The following MARCHF3 variants were observed in gnomAD, a reference collection of about 807,000 sequenced individuals.
The protein encoded by MARCHF3 is membrane associated ring-CH-type finger 3, also known as E3 ubiquitin-protein ligase MARCHF3.
MARCHF3 carries 13 observed loss-of-function variants against 24.2 expected under a neutral mutation model. The observed-to-expected ratio is 0.54, with a 90% CI of 0.35 to 0.85. The LOEUF (loss-of-function observed/expected upper bound fraction) is 0.85. Among genes scored for constraint, MARCHF3 ranks in the 40% least tolerant of loss-of-function variants. The probability of loss-of-function intolerance (pLI) is 0.01; values close to 1 mark genes in which losing one functional copy is unlikely to be tolerated. For synonymous variants in MARCHF3, 144 were observed against 137.3 expected, an observed-to-expected ratio of 1.05 and a Z score of -0.34; for missense variants, 276 against 325.0, an observed-to-expected ratio of 0.85 and a Z score of 1.16.
chr5:126,940,033 T>C (rs189697177), intron 1 of MARCHF3, among the ~76,000 whole-genome samples: 1 of 151,988 alleles, frequency 6.6e-6, no homozygotes, highest in Admixed American at 6.6e-5. Context: ...ACCAACAAAA[T>C]GCAAAAAAAT....
chr5:126,917,668 T>C (rs1748928903), intron 2 of MARCHF3, among the ~76,000 whole-genome samples: 1 of 152,180 alleles, frequency 6.6e-6, no homozygotes, highest in Admixed American at 6.5e-5. Flanking sequence ...GGACCACCTT[T>C]GTTACCTACT....
At chr5:126,935,071 T>C (rs1749599024) in intron 1 of MARCHF3, among the ~76,000 whole-genome samples, 1 of 152,152 alleles carries the variant, frequency 6.6e-6, no homozygotes, top group Non-Finnish European at 1.5e-5. Context: ...CATGTAGCTG[T>C]TGGTTGGGAT....
intron 1 of MARCHF3, among the ~76,000 whole-genome samples, chr5:127,009,086 T>A (rs181630984): frequency 6.6e-6 from 1 of 152,170 alleles, no homozygotes; most frequent in East Asian, 1.9e-4. Flanking sequence ...CAAAAGATGA[T>A]CTCCAGAATC....
intron 1 of MARCHF3, among the ~76,000 whole-genome samples, chr5:126,919,557 A>C (rs910502698): frequency 3.9e-5 from 6 of 152,230 alleles, no homozygotes; most frequent in African/African-American, 1.2e-4. Flanking sequence ...TCTACTTCTT[A>C]CATTTTCCTT....
chr5:126,918,303 A>T (rs1748978452), intron 1 of MARCHF3, 76 bp from the exon 2 acceptor site: 1 of 854,664 alleles, frequency 1.2e-6, no homozygotes, highest in African/African-American at 1.7e-5. Flanking sequence ...CACCAACATC[A>T]TCATCATGTC....
chr5:126,870,908 C>T, intron 4 of MARCHF3, 117 bp from the exon 5 acceptor site: 2 of 1,387,182 alleles, frequency 1.4e-6, no homozygotes, highest in South Asian at 1.4e-5. Context: ...AGCACTATGG[C>T]AGGGCAAGAA....
chr5:127,007,716 T>C (rs1299182908), intron 1 of MARCHF3, among the ~76,000 whole-genome samples: 1 of 152,196 alleles, frequency 6.6e-6, no homozygotes, highest in Non-Finnish European at 1.5e-5. Context: ...TATTGTTCAT[T>C]TGTGCTAGCT....
chr5:126,894,628 TG>T (rs1474521882), intron 3 of MARCHF3, among the ~76,000 whole-genome samples: 1 of 152,046 alleles, frequency 6.6e-6, no homozygotes, highest in Non-Finnish European at 1.5e-5. Flanking sequence ...CACTCTCTTC[TG>T]GCTTGTAGGG....
intron 3 of MARCHF3, among the ~76,000 whole-genome samples, chr5:126,878,931 G>A (rs1314445768): frequency 6.6e-6 from 1 of 152,176 alleles, no homozygotes; most frequent in African/African-American, 2.4e-5. Context: ...GAGGCCTTGG[G>A]CCCACAATAC....
intron 1 of MARCHF3, among the ~76,000 whole-genome samples, chr5:126,946,761 G>GGTGT (rs58269583): frequency 0.017 from 2,314 of 136,026 alleles, 71 homozygotes; most frequent in African/African-American, 0.049. Context: ...TGTAAGTAGG[G>GGTGT]GTGTGTGTGT....
chr5:126,884,610 AC>A (rs1753448259), intron 3 of MARCHF3, among the ~76,000 whole-genome samples: 1 of 151,658 alleles, frequency 6.6e-6, no homozygotes, highest in African/African-American at 2.4e-5. Flanking sequence ...ATGACCATCC[AC>A]CCCTGTCACT....
intron 1 of MARCHF3, among the ~76,000 whole-genome samples, chr5:126,928,052 C>T (rs1749353704): frequency 6.6e-6 from 1 of 152,118 alleles, no homozygotes; most frequent in Admixed American, 6.5e-5. Context: ...ATTTTCATAG[C>T]ACTATTCATT....
chr5:126,997,588 T>G (rs1751990752), intron 1 of MARCHF3, among the ~76,000 whole-genome samples: 1 of 152,216 alleles, frequency 6.6e-6, no homozygotes, highest in African/African-American at 2.4e-5. Context: ...TCGAAAGGAC[T>G]GGGTCCTCAG....
At chr5:126,920,471 T>C (rs1047902119) in intron 1 of MARCHF3, among the ~76,000 whole-genome samples, 1 of 152,160 alleles carries the variant, frequency 6.6e-6, no homozygotes, top group African/African-American at 2.4e-5. Context: ...CAGGGGTGTA[T>C]TGGCAGGAAA....
intron 1 of MARCHF3, among the ~76,000 whole-genome samples, chr5:126,956,176 T>C (rs1372335013): frequency 6.6e-6 from 1 of 152,228 alleles, no homozygotes; most frequent in East Asian, 1.9e-4. Context: ...TTTAAACAGT[T>C]TTCTTCTAGT....
rs183848600 is a variant in MARCHF3 at position 127,022,839 on chromosome 5, G to A, written c.-57+7511C>T. On this transcript the variant is annotated intron_variant, in intron 1 of 4. Transcript: ENST00000308660. The stretch of plus-strand genomic sequence containing the variant: ...CATTCAATTCTCTATTTTCTTCTTG[G>A]CAGGCAGATATGAGAAGAAAGCACC... Among the ~76,000 whole-genome samples, 11 of 152,220 alleles carry A rather than the reference G, an allele frequency of 7.2e-5. No individual in the cohort carries two copies. The East Asian group carries it at 2.1e-3, about 29-fold the overall frequency.
chr5:126,875,400 T>C (rs1023429834), intron 4 of MARCHF3, among the ~76,000 whole-genome samples: 9 of 152,224 alleles, frequency 5.9e-5, no homozygotes, highest in African/African-American at 1.7e-4. Context: ...TTCTTCACAG[T>C]ACCAGGGAGG....
rs140236215 is a variant in MARCHF3 at position 127,003,548 on chromosome 5, G to A, written c.-57+26802C>T. Among the ~76,000 whole-genome samples the A allele has an allele frequency of 2.9e-3, 441 of 151,938 alleles. 3 individuals are homozygous for A. The highest frequency in any genetic ancestry group is 6.0e-3 in the South Asian group (29 of 4,800). ...GGGCGGATCACGAGGTCAGGAGATGGAGACCATCCTGTCTAACACGGTGAA... is the reference window on the plus strand; with the variant it reads ...GGGCGGATCACGAGGTCAGGAGATGAAGACCATCCTGTCTAACACGGTGAA... On this transcript the variant is annotated intron_variant, in intron 1 of 4. Transcript: ENST00000308660.
At chr5:126,922,546 T>G (rs936255478) in intron 1 of MARCHF3, among the ~76,000 whole-genome samples, 3 of 146,412 alleles carry the variant, frequency 2.0e-5, no homozygotes, top group African/African-American at 7.7e-5. Context: ...ATTTATTTAT[T>G]TATTTATTAT....
Sources: allele counts gnomAD v4.1 joint callset (sites outside exome capture counted in the v4.1 genomes callset), GRCh38; gene constraint gnomAD v4.1.1; transcripts MANE v1.5; gene names NCBI Gene and HGNC (gene_info 2026-07-23, HGNC 2026-07-21).